Variants in TMEM187 observed in about 807,000 individuals in gnomAD.
TMEM187 encodes the protein transmembrane protein 187, also known as chromosome X open reading frame 12.
In TMEM187, 14 loss-of-function variants were observed where a neutral mutation model predicts 11.8. That is an observed-to-expected ratio of 1.18 (90% CI 0.78 to 1.85). TMEM187 has a LOEUF of 1.85. Ranked by LOEUF, TMEM187 falls within the 40% of genes most tolerant of loss-of-function variation. The pLI, the probability that TMEM187 is intolerant of heterozygous loss-of-function variation, is 0.00. For missense variants in TMEM187, 227 were observed against 243.9 expected, an observed-to-expected ratio of 0.93 and a Z score of 0.46; for synonymous variants, 112 against 118.5, an observed-to-expected ratio of 0.95 and a Z score of 0.36.
At chrX:153,975,404 C>G (rs1283824915) in intron 1 of TMEM187, among the ~76,000 whole-genome samples, 1 of 109,971 alleles carries the variant, frequency 9.1e-6, no homozygotes, top group Non-Finnish European at 1.9e-5. Flanking sequence ...AATCTTGGCT[C>G]ACTGCAACCT....
intron 1 of TMEM187, among the ~76,000 whole-genome samples, chrX:153,979,938 C>T (rs1476009668): frequency 9.2e-5 from 10 of 108,292 alleles, no homozygotes; most frequent in African/African-American, 2.7e-4. Flanking sequence ...GGGGTTTCAC[C>T]GTGTTAGCCA....
rs906353981 is a variant in TMEM187, at chrX:153,981,898, C to T, written c.-165C>T. ...CTGGCGCCAGCCAATCAGCAGGACT[C>T]CTGCCTTCCTTCGGGGCAAGGTCGC... On this transcript the variant is annotated 5_prime_UTR_variant, in exon 2 of 2. Coordinates refer to ENST00000369982, the MANE Select transcript of TMEM187 (RefSeq NM_003492.3). 1.1e-6 allele frequency: 1 copy of T among 934,035 alleles called. No homozygotes were observed. The highest frequency in any genetic ancestry group is 1.5e-6 in the Non-Finnish European group (1 of 675,523). 77.0% of individuals were successfully genotyped at this position (934,035 alleles called of 1,213,427 possible).
At position 153,983,039 on chromosome X, in the gene TMEM187, C is replaced by CAAAG; in HGVS notation, c.*193_*196dup. ...TGCTGTGATCTCGACAACTTACTTT[C>CAAAG]AAAGACATAAAGCACAGATCTCCGC... On this transcript the variant is annotated 3_prime_UTR_variant, in exon 2 of 2. Coordinates refer to ENST00000369982, the MANE Select transcript of TMEM187 (RefSeq NM_003492.3). 1.2e-6 allele frequency: 1 copy of CAAAG among 860,188 alleles called. No individual in the cohort carries two copies. Among genetic ancestry groups the CAAAG allele is most frequent in the Non-Finnish European group, 1.6e-6 (1 of 606,190 alleles). The allele number at this position is 860,188 out of a possible 1,213,427, so 70.9% of individuals were successfully genotyped here. A position where few individuals can be genotyped will look rare whatever the true frequency, so the allele number is the denominator to read the frequency against.
Position 153,982,393 on chromosome X carries a change from G to A in TMEM187, c.331G>A (p.Ala111Thr). The change falls in exon 2 of 2, where the codon GCC (alanine) becomes ACC (threonine). Residue 111 changes from alanine to threonine, a missense_variant. Coordinates refer to ENST00000369982, the MANE Select transcript of TMEM187 (RefSeq NM_003492.3). Reference protein sequence around the residue: ...WLRLWTQWRRAAVLDQWLTLP... With the variant: ...WLRLWTQWRRTAVLDQWLTLP... The stretch of plus-strand genomic sequence containing the variant: ...GCGCCTGTGGACGCAGTGGCGCCGT[G>A]CCGCGGTGCTGGACCAGTGGCTCAC... The A allele has an allele frequency of 8.3e-7, 1 of 1,199,047 alleles. No homozygotes were observed. Among genetic ancestry groups the A allele is most frequent in the Non-Finnish European group, 1.1e-6 (1 of 892,283 alleles).
intron 1 of TMEM187, among the ~76,000 whole-genome samples, chrX:153,978,974 G>A (rs2065588346): frequency 1.8e-5 from 2 of 111,444 alleles, no homozygotes; most frequent in Admixed American, 1.9e-4. Flanking sequence ...TTTTTGTAGA[G>A]ACAGGGTTTC....
intron 1 of TMEM187, among the ~76,000 whole-genome samples, chrX:153,974,703 C>T (rs1235827744): frequency 2.7e-5 from 3 of 112,067 alleles, no homozygotes; most frequent in Non-Finnish European, 3.8e-5. Context: ...AGGAGGAGTT[C>T]GGGTGCCCCA....
At chrX:153,978,322 G>A (rs1467553358) in intron 1 of TMEM187, among the ~76,000 whole-genome samples, 1 of 106,574 alleles carries the variant, frequency 9.4e-6, no homozygotes, top group Non-Finnish European at 1.9e-5. Flanking sequence ...AGGCTGGAGT[G>A]CAGTGGCACG....
At chrX:153,973,684 A>AACACACACAC (rs3055213) in intron 1 of TMEM187, among the ~76,000 whole-genome samples, 5 of 106,147 alleles carry the variant, frequency 4.7e-5, no homozygotes, top group African/African-American at 1.7e-4. Context: ...CTGTCTCAAA[A>AACACACACAC]ACACACACAC....
intron 1 of TMEM187, 21 bp downstream of exon 1, chrX:153,972,881 T>A (rs1557120858): frequency 1.7e-5 from 2 of 114,348 alleles, no homozygotes; most frequent in Non-Finnish European, 3.7e-5. Flanking sequence ...ACCGCAGCCC[T>A]GGGAGGTGGG....
rs1465352206 is a variant in TMEM187, at chrX:153,982,048, C to T, written c.-15C>T. On this transcript the variant is annotated 5_prime_UTR_variant, in exon 2 of 2. The change creates a new upstream start codon in the 5' untranslated region. Coordinates refer to ENST00000369982, the MANE Select transcript of TMEM187 (RefSeq NM_003492.3). ...CTCTGAAGCTCCCTGCCCCAGGTCA[C>T]GCCGCCGGTTCCAGATGAATCCAGA... 1.6e-6 allele frequency: 2 copies of T among 1,212,332 alleles called. No homozygotes were observed. Among genetic ancestry groups the T allele is most frequent in the Non-Finnish European group, 2.2e-6 (2 of 895,666 alleles).
At position 153,982,540 on chromosome X, in the gene TMEM187, C is replaced by A; in HGVS notation, c.478C>A (p.Pro160Thr). Residue 160 changes from proline to threonine, a missense_variant, in exon 2 of 2, where the codon CCC (proline) becomes ACC (threonine). Coordinates refer to ENST00000369982, the MANE Select transcript of TMEM187 (RefSeq NM_003492.3). ...LASYGLALLHPQGFEVALGAH... is the reference protein window; with the variant it reads ...LASYGLALLHTQGFEVALGAH... ...CAGTTATGGCCTCGCTCTGCTGCATCCCCAGGGCTTCGAGGTCGCACTGGG... is the reference window on the plus strand; with the variant it reads ...CAGTTATGGCCTCGCTCTGCTGCATACCCAGGGCTTCGAGGTCGCACTGGG... 8.3e-7 allele frequency: 1 copy of A among 1,207,787 alleles called. No homozygotes were observed. Among genetic ancestry groups the A allele is most frequent in the African/African-American group, 1.7e-5 (1 of 58,040 alleles).
chrX:153,982,330 G>A lies in TMEM187; in HGVS notation c.268G>A (p.Ala90Thr), dbSNP rs782077538. The change falls in exon 2 of 2, where the codon GCA becomes ACA. Residue 90 changes from alanine (A) to threonine (T), a missense_variant. Transcript: ENST00000369982. ...TCCCCGCTACCTGAAGGACGTGTTC[G>A]CAGCCATGGCCCTGCTCTATGGCCC... Reference protein sequence around the residue: ...LGPRYLKDVFAAMALLYGPVQ... With the variant: ...LGPRYLKDVFTAMALLYGPVQ... The A allele has an allele frequency of 7.4e-6, 9 of 1,209,007 alleles. No individual in the cohort carries two copies. The East Asian group carries it at 1.8e-4, about 24-fold the overall frequency.
intron 1 of TMEM187, among the ~76,000 whole-genome samples, chrX:153,980,918 C>CAAA (rs376302517): frequency 1.6e-5 from 1 of 61,608 alleles, no homozygotes; most frequent in African/African-American, 6.1e-5. Context: ...GACTCCGTCT[C>CAAA]AAAAAAAAAA....
chrX:153,977,587 G>A (rs138880088), intron 1 of TMEM187, among the ~76,000 whole-genome samples: 3,277 of 107,210 alleles, frequency 0.031, 129 homozygotes, highest in African/African-American at 0.11. Context: ...ACCCCAGCCT[G>A]CCCCACAGAG....
chrX:153,972,973 C>T (rs1270209254), intron 1 of TMEM187, 113 bp downstream of exon 1: 4 of 118,250 alleles, frequency 3.4e-5, no homozygotes, highest in Non-Finnish European at 5.2e-5. Flanking sequence ...GGCATCCGCC[C>T]TGCCACGCGC....
chrX:153,979,503 A>C (rs2065590432), intron 1 of TMEM187, among the ~76,000 whole-genome samples: 1 of 110,164 alleles, frequency 9.1e-6, no homozygotes, highest in Admixed American at 9.7e-5. Context: ...TACAGATGTG[A>C]GCCACCATGC....
At chrX:153,978,147 G>T (rs1481980660) in intron 1 of TMEM187, among the ~76,000 whole-genome samples, 1 of 109,525 alleles carries the variant, frequency 9.1e-6, no homozygotes, top group Non-Finnish European at 1.9e-5. Context: ...GGAGGGAGAG[G>T]TTGTACTGAG....
chrX:153,978,935 C>T (rs1373834413), intron 1 of TMEM187, among the ~76,000 whole-genome samples: 12 of 109,058 alleles, frequency 1.1e-4, no homozygotes, highest in African/African-American at 3.3e-4. Context: ...TACAGGCGTG[C>T]GCCACCACGC....
At chrX:153,974,369 C>G (rs903215254) in intron 1 of TMEM187, among the ~76,000 whole-genome samples, 28 of 112,357 alleles carry the variant, frequency 2.5e-4, no homozygotes, top group Non-Finnish European at 5.1e-4. Flanking sequence ...GGGGCCTCAG[C>G]TGGTGTCTCA....
Sources: allele counts gnomAD v4.1 joint callset (sites outside exome capture counted in the v4.1 genomes callset), GRCh38; gene constraint gnomAD v4.1.1; transcripts MANE v1.5; gene names NCBI Gene and HGNC (gene_info 2026-07-23, HGNC 2026-07-21).